The following GLI3 variants were observed in gnomAD, a reference collection of about 807,000 sequenced individuals.
GLI3 encodes GLI family zinc finger 3, also known as transcription activator GLI3.
Under a neutral mutation model 100.8 loss-of-function variants are expected in GLI3, and 20 were observed. The observed-to-expected ratio is 0.20, with a 90% confidence interval of 0.14 to 0.29. The LOEUF (loss-of-function observed/expected upper bound fraction) is 0.29, where lower values mean the gene tolerates loss of function less well. Among genes scored for constraint, GLI3 ranks in the 10% least tolerant of loss-of-function variants. The pLI, the probability that GLI3 is intolerant of heterozygous loss-of-function variation, is 1.00. For synonymous variants in GLI3, 938 were observed against 860.5 expected, an observed-to-expected ratio of 1.09 and a Z score of -1.58; for missense variants, 2,040 against 2,128.5, an observed-to-expected ratio of 0.96 and a Z score of 0.82.
Position 41,964,275 on chromosome 7 carries a change from T to G in GLI3, c.*55A>C, listed in dbSNP as rs951451942. ...AAAAACAGCCAAAACAAAGTCAGTT[T>G]AATCTCTTCAACTCCTATTGATTTC... On this transcript the variant is annotated 3_prime_UTR_variant, in exon 15 of 15. Transcript: ENST00000395925. 3.3e-6 allele frequency: 5 copies of G among 1,514,166 alleles called. No individual in the cohort carries two copies. The highest frequency in any genetic ancestry group is 1.4e-5 in the African/African-American group (1 of 73,144). 93.8% of individuals were successfully genotyped at this position (1,514,166 alleles called of 1,614,324 possible). A position where few individuals can be genotyped will look rare whatever the true frequency, so the allele number is the denominator to read the frequency against.
At chr7:42,220,099 G>A (rs1396643977) in intron 2 of GLI3, among the ~76,000 whole-genome samples, 2 of 152,164 alleles carry the variant, frequency 1.3e-5, no homozygotes, top group African/African-American at 4.8e-5. Context: ...TGATCCGCCC[G>A]CCTCGGCCTG....
Position 42,246,805 on chromosome 7 carries a change from CTTT to C in GLI3, c.-43+17186_-43+17188del, listed in dbSNP as rs71006467. ...TTAAAGGCTCATTGGATGATAGAAT[CTTT>C]TTTTTTTTTTTTTTTTTTTTTTTTT... On this transcript the variant is annotated intron_variant, in intron 1 of 2. Transcript: ENST00000678978. Among the ~76,000 whole-genome samples, 568 of 94,970 alleles carry C rather than the reference CTTT, an allele frequency of 6.0e-3. 18 individuals carry two copies. Among genetic ancestry groups the C allele is most frequent in the African/African-American group, 0.023 (523 of 23,028 alleles). 62.3% of individuals were successfully genotyped at this position (94,970 alleles called of 152,430 possible). A position where few individuals can be genotyped will look rare whatever the true frequency, so the allele number is the denominator to read the frequency against.
At position 42,025,326 on chromosome 7, in the gene GLI3, T is replaced by A. The variant is rs1323609703; in HGVS notation, c.1294A>T (p.Asn432Tyr). ...TCGGGTTTGATCTTGGACCTCTTGT[T>A]GTGCATCGGGTCACCAGTGCTGCTC... is the stretch of plus-strand genomic sequence containing the variant. ...AVSSTGDPMH[N>Y]KRSKIKPDED... Residue 432 changes from asparagine to tyrosine, a missense_variant, in exon 9 of 15, where the codon AAC becomes TAC. Coordinates refer to ENST00000395925, the MANE Select transcript of GLI3 (RefSeq NM_000168.6). The A allele has an allele frequency of 5.0e-6, 8 of 1,614,070 alleles. No homozygotes were observed. The African/African-American group carries it at 6.7e-5, about 13-fold the overall frequency.
chr7:42,016,479 T>C (rs1242317569), intron 10 of GLI3, among the ~76,000 whole-genome samples: 1 of 152,246 alleles, frequency 6.6e-6, no homozygotes, highest in Non-Finnish European at 1.5e-5. Flanking sequence ...TTTTCTCTCG[T>C]AAGCAGAATC....
At chr7:42,145,627 A>AG (rs201441665) in intron 3 of GLI3, 44,975 of 397,068 alleles carry the variant, frequency 0.11, 2,797 homozygotes, top group Non-Finnish European at 0.14. Flanking sequence ...AGAAAGAAAA[A>AG]AAAAAAAAAC....
chr7:42,046,209 A>G (rs187315730), intron 5 of GLI3, among the ~76,000 whole-genome samples: 1 of 152,190 alleles, frequency 6.6e-6, no homozygotes, highest in Non-Finnish European at 1.5e-5. Flanking sequence ...TTTTCGTGCA[A>G]AAGCAGCAAG....
chr7:42,260,936 C>A (rs1789131234), intron 1 of GLI3, among the ~76,000 whole-genome samples: 1 of 152,176 alleles, frequency 6.6e-6, no homozygotes, highest in African/African-American at 2.4e-5. Context: ...TCCATACGTT[C>A]AGGCAACTAC....
chr7:42,101,689 T>TTTA (rs1785466156), intron 3 of GLI3, among the ~76,000 whole-genome samples: 1 of 149,056 alleles, frequency 6.7e-6, no homozygotes, highest in African/African-American at 2.5e-5. Context: ...TATTTATTTA[T>TTTA]TTTATTATTA....
intron 2 of GLI3, among the ~76,000 whole-genome samples, chr7:42,173,285 T>C (rs1255903933): frequency 6.6e-6 from 1 of 152,130 alleles, no homozygotes; most frequent in Non-Finnish European, 1.5e-5. Flanking sequence ...ACAGAAATCT[T>C]TTCTCTCTCT....
chr7:41,985,702 A>G (rs1787801404), intron 10 of GLI3, among the ~76,000 whole-genome samples: 2 of 152,150 alleles, frequency 1.3e-5, no homozygotes, highest in South Asian at 4.1e-4. Context: ...AGTTTTGTGT[A>G]TTACTTGATA....
intron 3 of GLI3, among the ~76,000 whole-genome samples, chr7:42,078,321 A>G (rs554243947): frequency 1.3e-5 from 2 of 152,328 alleles, no homozygotes; most frequent in South Asian, 4.1e-4. Flanking sequence ...CATGTTTTTA[A>G]AGTTATAGTA....
intron 3 of GLI3, among the ~76,000 whole-genome samples, chr7:42,137,188 C>A (rs720790): frequency 0.99 from 150,160 of 152,276 alleles, 74,037 homozygotes; most frequent in Middle Eastern, 1. Flanking sequence ...AGAGAGCTTA[C>A]TTTCTGCTGG....
chr7:42,114,157 A>C (rs1317835794), intron 3 of GLI3, among the ~76,000 whole-genome samples: 1 of 152,208 alleles, frequency 6.6e-6, no homozygotes, highest in African/African-American at 2.4e-5. Flanking sequence ...AAATTCTGCC[A>C]TTTTCATTCC....
At chr7:42,149,956 C>T (rs554338082) in intron 2 of GLI3, 3 of 152,270 alleles carry the variant, frequency 2.0e-5, no homozygotes, top group African/African-American at 7.2e-5. Context: ...TACCTAAAGC[C>T]AGCAGCAAGT....
intron 13 of GLI3, among the ~76,000 whole-genome samples, chr7:41,968,686 G>GAAAGAAGA (rs1173570973): frequency 3.9e-5 from 3 of 76,120 alleles, no homozygotes; most frequent in African/African-American, 1.2e-4. Context: ...AAGAAAGAAA[G>GAAAGAAGA]AAGAAAGAAA....
chr7:42,106,620 T>C (rs965905234), intron 3 of GLI3, among the ~76,000 whole-genome samples: 4 of 152,200 alleles, frequency 2.6e-5, no homozygotes, highest in African/African-American at 2.4e-5. Context: ...TATAATTATA[T>C]GGAATAAATA....
intron 1 of GLI3, among the ~76,000 whole-genome samples, chr7:42,231,143 G>A (rs78753782): frequency 0.03 from 4,556 of 152,278 alleles, 213 homozygotes; most frequent in African/African-American, 0.1. Context: ...GAGTATAAGG[G>A]AGTAGAGTGT....
At chr7:42,098,614 C>T (rs955319425) in intron 3 of GLI3, among the ~76,000 whole-genome samples, 4 of 152,114 alleles carry the variant, frequency 2.6e-5, no homozygotes, top group Admixed American at 2.6e-4. Flanking sequence ...AAAATAAGAT[C>T]GTGTTTATAA....
At chr7:42,139,546 G>C (rs1036387982) in intron 3 of GLI3, among the ~76,000 whole-genome samples, 1 of 152,150 alleles carries the variant, frequency 6.6e-6, no homozygotes, top group Non-Finnish European at 1.5e-5. Context: ...TGGCATGGTG[G>C]CACATGCCTG....
Sources: gnomAD v4.1 joint callset for allele counts (sites outside exome capture counted in the v4.1 genomes callset) on GRCh38, gnomAD v4.1.1 for gene constraint, MANE v1.5 for transcripts, NCBI Gene and HGNC (gene_info 2026-07-23, HGNC 2026-07-21) for gene names.